Variants in RNF125 observed in about 807,000 individuals in gnomAD.
The protein encoded by RNF125 is ring finger protein 125.
In RNF125, 21 loss-of-function variants were observed where a neutral mutation model predicts 26.0. That is an observed-to-expected ratio of 0.81 (90% CI 0.57 to 1.16). The LOEUF (loss-of-function observed/expected upper bound fraction) is 1.16, where lower values mean the gene tolerates loss of function less well. RNF125 is among the 50% of genes most tolerant of loss of function. The pLI is 0.00. For synonymous variants in RNF125, 95 were observed against 109.2 expected, an observed-to-expected ratio of 0.87 and a Z score of 0.81; for missense variants, 270 against 299.4, an observed-to-expected ratio of 0.90 and a Z score of 0.72.
chr18:32,068,226 A>G (rs886483671), intron 5 of RNF125, 72 bp from the exon 6 acceptor site: 2 of 813,356 alleles, frequency 2.5e-6, no homozygotes, highest in Admixed American at 4.0e-5. Context: ...AGGGTGTTGC[A>G]TTGACCCTCA....
the RNF125 span, among the ~76,000 whole-genome samples, chr18:32,084,566 T>G: frequency 0.044 from 6,729 of 152,282 alleles, 219 homozygotes; most frequent in Non-Finnish European, 0.066. Context: ...CTGATTTGTG[T>G]GTTTGGGCAA....
At chr18:32,031,995 G>A (rs938236845) in intron 1 of RNF125, among the ~76,000 whole-genome samples, 10 of 152,058 alleles carry the variant, frequency 6.6e-5, no homozygotes, top group Middle Eastern at 3.2e-3. Context: ...TGCCTCCTGG[G>A]TTCAAGTGAT....
chr18:32,067,879 G>A (rs1325320471), intron 5 of RNF125, among the ~76,000 whole-genome samples: 1 of 152,154 alleles, frequency 6.6e-6, no homozygotes, highest in Non-Finnish European at 1.5e-5. Context: ...CAAGGAGAAA[G>A]TTTTGTTTTT....
chr18:32,024,405 T>G (rs1377020833), intron 1 of RNF125, among the ~76,000 whole-genome samples: 1 of 151,590 alleles, frequency 6.6e-6, no homozygotes, highest in Non-Finnish European at 1.5e-5. Flanking sequence ...ATCTTGCTTT[T>G]TTGGTATATT....
chr18:32,086,711 G>T, the RNF125 span, among the ~76,000 whole-genome samples: 1 of 152,032 alleles, frequency 6.6e-6, no homozygotes, highest in Admixed American at 6.6e-5. Context: ...GTAGAGGCAG[G>T]TTTCTCCGTG....
In RNF125 at chr18:32,057,624, C is replaced by T. The variant is rs551810656; in HGVS notation, c.505-8278C>T. ...TGCTGGGATTACAGGCATGAGCTAC[C>T]GCGCCTGGTCCAAATGACTGTTTTT... On this transcript the variant is annotated intron_variant, in intron 4 of 5. Coordinates refer to ENST00000217740, the MANE Select transcript of RNF125 (RefSeq NM_017831.4). Among the ~76,000 whole-genome samples, 29 of 152,178 alleles carry T rather than the reference C, an allele frequency of 1.9e-4. No homozygotes were observed. In the South Asian group the frequency reaches 3.7e-3, roughly 20 times the overall value.
intron 1 of RNF125, among the ~76,000 whole-genome samples, chr18:32,029,833 A>G (rs769842785): frequency 2.0e-5 from 3 of 152,090 alleles, no homozygotes; most frequent in African/African-American, 4.8e-5. Context: ...CAGATATCCA[A>G]ATGGAAATAT....
chr18:32,038,705 A>C (rs1044761039), intron 2 of RNF125, among the ~76,000 whole-genome samples: 3 of 152,162 alleles, frequency 2.0e-5, no homozygotes, highest in Non-Finnish European at 2.9e-5. Flanking sequence ...TTTATCTTAA[A>C]TGCAATAGTA....
chr18:32,046,265 C>T (rs1229906901), intron 4 of RNF125, among the ~76,000 whole-genome samples: 3 of 143,046 alleles, frequency 2.1e-5, no homozygotes, highest in Non-Finnish European at 4.6e-5. Flanking sequence ...GTTTAGTACA[C>T]TAACTATGGT....
Position 32,037,212 on chromosome 18 carries a change from T to C in RNF125, c.261T>C (p.Thr87=). The change falls in exon 2 of 6, where the codon ACT becomes ACC. Residue 87 remains threonine, a synonymous_variant. Coordinates refer to ENST00000217740, the MANE Select transcript of RNF125 (RefSeq NM_017831.4). The stretch of plus-strand genomic sequence containing the variant: ...TTCCTTCAGAAGGAGTTCCAGCAAC[T>C]GATGTAGCCAAAAGAATGAAATCAG... ...AYLPSEGVPA[T]DVAKRMKSEY... is the part of the protein sequence containing the mutation. 2 of 1,606,362 alleles carry C rather than the reference T, an allele frequency of 1.2e-6. No homozygotes were observed. The highest frequency in any genetic ancestry group is 1.7e-6 in the Non-Finnish European group (2 of 1,177,178).
Position 32,072,833 on chromosome 18 carries a change from T to C in RNF125, c.*4449T>C, listed in dbSNP as rs559417737. ...AATTATTAAAATGTAGGTTGAAAGA[T>C]TGGATTGATTGTGAATCTACACTAA... On this transcript the variant is annotated 3_prime_UTR_variant, in exon 6 of 6. Coordinates refer to ENST00000217740, the MANE Select transcript of RNF125 (RefSeq NM_017831.4). 2 of 151,948 alleles carry C rather than the reference T, an allele frequency of 1.3e-5. No individual in the cohort carries two copies. Among genetic ancestry groups the C allele is most frequent in the Admixed American group, 1.3e-4 (2 of 15,250 alleles). The allele number at this position is 151,948 out of a possible 1,614,324, so 9.4% of individuals were successfully genotyped here. A position where few individuals can be genotyped will look rare whatever the true frequency, so the allele number is the denominator to read the frequency against.
intron 4 of RNF125, among the ~76,000 whole-genome samples, chr18:32,048,259 A>C (rs77157585): frequency 3.5e-4 from 12 of 34,542 alleles, no homozygotes; most frequent in African/African-American, 7.7e-4. Flanking sequence ...TAAAAATACA[A>C]AAAAAAAAAA....
chr18:32,060,296 A>G (rs2039422787), intron 4 of RNF125, among the ~76,000 whole-genome samples: 1 of 152,216 alleles, frequency 6.6e-6, no homozygotes, highest in Non-Finnish European at 1.5e-5. Context: ...TGGCCTGCAC[A>G]GTGAATGGGC....
chr18:32,052,612 C>T (rs1201110002), intron 4 of RNF125, among the ~76,000 whole-genome samples: 1 of 151,990 alleles, frequency 6.6e-6, no homozygotes, highest in Non-Finnish European at 1.5e-5. Flanking sequence ...ATTGAGTGAC[C>T]TTTAATTACC....
At chr18:32,047,126 TC>T (rs1182523912) in intron 4 of RNF125, among the ~76,000 whole-genome samples, 2 of 152,168 alleles carry the variant, frequency 1.3e-5, no homozygotes, top group African/African-American at 4.8e-5. Flanking sequence ...AACCTCCGCC[TC>T]CCAGGTTCAA....
chr18:32,074,579 G>C (rs2039557057), downstream of RNF125, among the ~76,000 whole-genome samples: 2 of 151,948 alleles, frequency 1.3e-5, no homozygotes, highest in Admixed American at 1.3e-4. Flanking sequence ...GTCTTGCTCT[G>C]TTACCCAGGC....
At position 32,054,362 on chromosome 18, in the gene RNF125, C is replaced by T. The variant is rs978198938; in HGVS notation, c.504+8630C>T. Reference sequence around the variant, plus strand: ...CCCGCTGTGGCCTCCCAAAGTGCCGCGATTACCGGCATGAGCCACCGCATC... The same window carrying T: ...CCCGCTGTGGCCTCCCAAAGTGCCGTGATTACCGGCATGAGCCACCGCATC... On this transcript the variant is annotated intron_variant, in intron 4 of 5. Coordinates refer to ENST00000217740, the MANE Select transcript of RNF125 (RefSeq NM_017831.4). 1.1e-4 allele frequency among the ~76,000 whole-genome samples: 17 copies of T among 152,118 alleles called. No individual in the cohort carries two copies. In the East Asian group the frequency reaches 1.5e-3, roughly 14 times the overall value.
chr18:32,079,498 T>C, the RNF125 span, among the ~76,000 whole-genome samples: 1 of 152,184 alleles, frequency 6.6e-6, no homozygotes, highest in Non-Finnish European at 1.5e-5. Context: ...TTCTTAGCAA[T>C]AAAGCCTACA....
intron 1 of RNF125, among the ~76,000 whole-genome samples, chr18:32,024,614 A>AT (rs2039016148): frequency 6.6e-6 from 1 of 151,856 alleles, no homozygotes; most frequent in African/African-American, 2.4e-5. Context: ...CTAAAATTTT[A>AT]TTTTTTTATA....
Sources: allele counts gnomAD v4.1 joint callset (sites outside exome capture counted in the v4.1 genomes callset), GRCh38; gene constraint gnomAD v4.1.1; transcripts MANE v1.5; gene names NCBI Gene and HGNC (gene_info 2026-07-23, HGNC 2026-07-21).